Variants in LOC128706665 observed in about 807,000 individuals in gnomAD.
chr20:10,428,616 A>G, the LOC128706665 span, among the ~76,000 whole-genome samples: 125,471 of 152,104 alleles, frequency 0.82, 52,373 homozygotes, highest in African/African-American at 0.93. Flanking sequence ...AGGAAGGTGG[A>G]TCACTTGAGG....
At chr20:10,419,505 T>C in the LOC128706665 span, among the ~76,000 whole-genome samples, 5 of 152,308 alleles carry the variant, frequency 3.3e-5, no homozygotes, top group African/African-American at 1.2e-4. Context: ...CTATGAGGGA[T>C]ATGTTCCAAG....
the LOC128706665 span, among the ~76,000 whole-genome samples, chr20:10,432,725 G>A: frequency 1.4e-5 from 2 of 147,846 alleles, no homozygotes; most frequent in African/African-American, 4.9e-5. Context: ...GAACCCGGGA[G>A]GCGGAGGTTG....
chr20:10,422,703 GTTATA>G, the LOC128706665 span, among the ~76,000 whole-genome samples: 98 of 149,304 alleles, frequency 6.6e-4, no homozygotes, highest in African/African-American at 2.3e-3. Flanking sequence ...AGGTTATCAA[GTTATA>G]TTATCTTTTT....
the LOC128706665 span, among the ~76,000 whole-genome samples, chr20:10,423,075 A>G: frequency 6.6e-6 from 1 of 152,106 alleles, no homozygotes; most frequent in Non-Finnish European, 1.5e-5. Flanking sequence ...CATGATCATT[A>G]ACATAATTCA....
the LOC128706665 span, chr20:10,413,738 C>G: frequency 1.7e-6 from 1 of 605,454 alleles, no homozygotes; most frequent in Non-Finnish European, 2.9e-6. Flanking sequence ...TTTTACTTCA[C>G]TCTTCAATAC....
chr20:10,424,272 A>G, the LOC128706665 span, among the ~76,000 whole-genome samples: 1 of 151,984 alleles, frequency 6.6e-6, no homozygotes, highest in Admixed American at 6.6e-5. Flanking sequence ...AGGAAAAAAA[A>G]AGGCCAGGCA....
At chr20:10,431,260 G>A in the LOC128706665 span, among the ~76,000 whole-genome samples, 1 of 152,032 alleles carries the variant, frequency 6.6e-6, no homozygotes, top group Admixed American at 6.6e-5. Context: ...TATAAGGTGA[G>A]GAAATACTGT....
chr20:10,422,798 G>A, the LOC128706665 span, among the ~76,000 whole-genome samples: 1 of 150,456 alleles, frequency 6.6e-6, no homozygotes, highest in African/African-American at 2.5e-5. Context: ...TGCAAGCTCC[G>A]CCTCCCAGGT....
At chr20:10,425,375 T>C in the LOC128706665 span, among the ~76,000 whole-genome samples, 1 of 152,236 alleles carries the variant, frequency 6.6e-6, no homozygotes, top group Admixed American at 6.5e-5. Context: ...TGGCAATAAA[T>C]ATTTGTGTAA....
At chr20:10,422,933 G>A in the LOC128706665 span, among the ~76,000 whole-genome samples, 1 of 151,882 alleles carries the variant, frequency 6.6e-6, no homozygotes, top group African/African-American at 2.4e-5. Flanking sequence ...GGATGGTCTC[G>A]ATCTCCTGAC....
At chr20:10,433,680 G>A in the LOC128706665 span, among the ~76,000 whole-genome samples, 5 of 152,086 alleles carry the variant, frequency 3.3e-5, no homozygotes, top group East Asian at 9.7e-4. Context: ...CGTCTCTAAC[G>A]CCGTCGGAGG....
At chr20:10,416,152 G>GT in the LOC128706665 span, among the ~76,000 whole-genome samples, 3 of 146,810 alleles carry the variant, frequency 2.0e-5, no homozygotes, top group African/African-American at 7.7e-5. Context: ...TGGCAGATGG[G>GT]TTTTTGTTGT....
chr20:10,427,821 T>C, the LOC128706665 span, among the ~76,000 whole-genome samples: 1 of 152,194 alleles, frequency 6.6e-6, no homozygotes, highest in Non-Finnish European at 1.5e-5. Context: ...AATGAACCCA[T>C]GGATCATAAT....
the LOC128706665 span, among the ~76,000 whole-genome samples, chr20:10,416,345 G>C: frequency 1.3e-5 from 2 of 152,088 alleles, no homozygotes; most frequent in Non-Finnish European, 2.9e-5. Context: ...AAATACACAA[G>C]GTAAGCTGGG....
At chr20:10,432,623 T>C in the LOC128706665 span, among the ~76,000 whole-genome samples, 1 of 151,988 alleles carries the variant, frequency 6.6e-6, no homozygotes, top group Non-Finnish European at 1.5e-5. Flanking sequence ...CGAAACACCA[T>C]CTCTACTAAA....
chr20:10,413,931 C>A, the LOC128706665 span: 1 of 407,378 alleles, frequency 2.5e-6, no homozygotes, highest in East Asian at 3.5e-5. Flanking sequence ...TGCTTCTTTA[C>A]CTAATAAATA....
the LOC128706665 span, among the ~76,000 whole-genome samples, chr20:10,427,979 C>T: frequency 0.016 from 2,431 of 152,258 alleles, 21 homozygotes; most frequent in Non-Finnish European, 0.021. Flanking sequence ...AACAGGTATG[C>T]GTAAGTATCT....
chr20:10,413,897 C>T, the LOC128706665 span: 3 of 419,572 alleles, frequency 7.2e-6, no homozygotes, highest in Admixed American at 3.9e-5. Context: ...TCTCTTCTTT[C>T]GATATGAAGC....
At chr20:10,424,733 T>A in the LOC128706665 span, among the ~76,000 whole-genome samples, 1 of 152,202 alleles carries the variant, frequency 6.6e-6, no homozygotes, top group East Asian at 1.9e-4. Context: ...TTTTTTCTTC[T>A]TAGTTCCTCT....
Sources: gnomAD v4.1 joint callset for allele counts (sites outside exome capture counted in the v4.1 genomes callset) on GRCh38, gnomAD v4.1.1 for gene constraint, MANE v1.5 for transcripts.